The following USP47 variants were observed in gnomAD, a reference collection of about 807,000 sequenced individuals.
USP47 encodes the protein ubiquitin specific peptidase 47, also known as ubiquitin carboxyl-terminal hydrolase 47.
A neutral mutation model predicts 165.1 loss-of-function variants in USP47; 35 were observed. The observed-to-expected ratio is 0.21, with a 90% CI of 0.16 to 0.28. USP47 has a LOEUF of 0.28. Ranked by LOEUF, USP47 falls within the 10% of genes least tolerant of loss-of-function variation. USP47 has a pLI of 1.00. For synonymous variants in USP47, 531 were observed against 544.5 expected (o/e 0.98, Z 0.35); for missense variants, 1,277 against 1,607.4 (o/e 0.79, Z 3.52).
Position 11,948,563 on chromosome 11 carries a change from G to A in USP47, c.3348+5G>A, listed in dbSNP as rs1256277714. The A allele has an allele frequency of 1.3e-6, 2 of 1,597,512 alleles. No individual in the cohort carries two copies. Among genetic ancestry groups the A allele is most frequent in the African/African-American group, 1.3e-5 (1 of 74,642 alleles). On this transcript the variant is annotated splice_donor_5th_base_variant and intron_variant, in intron 22 of 27. Coordinates refer to ENST00000527733, the MANE Select transcript of USP47 (RefSeq NM_001282659.2). ...CTTTTGGTCAATGAACAAGAGGTAAGTAATACGTTTAAGAATAATATAAGG... is the reference window on the plus strand; with the variant it reads ...CTTTTGGTCAATGAACAAGAGGTAAATAATACGTTTAAGAATAATATAAGG...
intron 8 of USP47, among the ~76,000 whole-genome samples, chr11:11,914,310 G>A (rs2134543820): frequency 6.6e-6 from 1 of 152,064 alleles, no homozygotes; most frequent in East Asian, 1.9e-4. Context: ...AGGAAAAATG[G>A]TGTTTCCAAC....
intron 1 of USP47, among the ~76,000 whole-genome samples, chr11:11,843,112 C>T (rs1303539093): frequency 6.6e-6 from 1 of 152,036 alleles, no homozygotes; most frequent in Non-Finnish European, 1.5e-5. Context: ...TTCTCATATA[C>T]CTTAAATAGA....
chr11:11,880,408 A>C, intron 2 of USP47, 28 bp downstream of exon 2: 1 of 1,266,800 alleles, frequency 7.9e-7, no homozygotes, highest in Non-Finnish European at 9.9e-7. Context: ...AGCTTCTAAA[A>C]ATGTTATTAT....
intron 1 of USP47, among the ~76,000 whole-genome samples, chr11:11,847,045 G>C (rs987420032): frequency 6.6e-6 from 1 of 152,120 alleles, no homozygotes; most frequent in Non-Finnish European, 1.5e-5. Context: ...AGCAAAAGCT[G>C]AATGCAGAAT....
chr11:11,847,169 A>C (rs927223022), intron 1 of USP47, among the ~76,000 whole-genome samples: 1 of 152,118 alleles, frequency 6.6e-6, no homozygotes, highest in Admixed American at 6.5e-5. Flanking sequence ...GAATTTCTGG[A>C]TTATTGGGAT....
At chr11:11,949,825 T>C (rs1045826368) in intron 22 of USP47, 64 bp from the exon 23 acceptor site, 6 of 1,048,588 alleles carry the variant, frequency 5.7e-6, no homozygotes, top group Middle Eastern at 4.2e-4. Context: ...TTTATTTTAA[T>C]GTGTTAATAT....
chr11:11,862,145 T>G (rs1849421237), intron 1 of USP47, among the ~76,000 whole-genome samples: 1 of 152,080 alleles, frequency 6.6e-6, no homozygotes, highest in South Asian at 2.1e-4. Context: ...ACTAACAAAT[T>G]CACAATTTAA....
chr11:11,852,061 C>T (rs1848758725), intron 1 of USP47, among the ~76,000 whole-genome samples: 1 of 152,102 alleles, frequency 6.6e-6, no homozygotes, highest in East Asian at 1.9e-4. Context: ...TTTAAAGTTA[C>T]TCAGCCAGGC....
chr11:11,915,030 A>C (rs1853307942), intron 8 of USP47, among the ~76,000 whole-genome samples: 1 of 152,194 alleles, frequency 6.6e-6, no homozygotes, highest in African/African-American at 2.4e-5. Flanking sequence ...ACCTGTGCAC[A>C]AATATTTATT....
rs1207848771 is a variant in USP47, at chr11:11,942,405, T to C, written c.2384T>C (p.Leu795Pro). Residue 795 changes from leucine to proline, a missense_variant, in exon 20 of 28, where the codon CTG becomes CCG. Transcript: ENST00000527733. ...AFADSHLWKL[L>P]DRHANTIRLF... Reference sequence around the variant, plus strand: ...GCAGACTCTCATTTATGGAAACTCCTGGATCGGCATGCAAATACAATCAGA... The same window carrying C: ...GCAGACTCTCATTTATGGAAACTCCCGGATCGGCATGCAAATACAATCAGA... The C allele has an allele frequency of 6.2e-7, 1 of 1,613,358 alleles. No individual in the cohort carries two copies. The highest frequency in any genetic ancestry group is 8.5e-7 in the Non-Finnish European group (1 of 1,179,638).
At chr11:11,923,059 T>C (rs1023741814) in intron 11 of USP47, among the ~76,000 whole-genome samples, 168 bp downstream of exon 11, 1 of 104,578 alleles carries the variant, frequency 9.6e-6, no homozygotes, top group East Asian at 4.0e-4. Flanking sequence ...TATATATATA[T>C]ATATATATAT....
At chr11:11,860,228 C>T (rs1849303264) in intron 1 of USP47, among the ~76,000 whole-genome samples, 1 of 151,952 alleles carries the variant, frequency 6.6e-6, no homozygotes, top group South Asian at 2.1e-4. Context: ...CGGCTCACCA[C>T]AACCTCTGCT....
intron 1 of USP47, among the ~76,000 whole-genome samples, chr11:11,856,059 A>G (rs976950569): frequency 1.3e-5 from 2 of 152,254 alleles, no homozygotes; most frequent in Non-Finnish European, 2.9e-5. Flanking sequence ...TCAAAACAAG[A>G]AAGTTTGTAG....
intron 1 of USP47, among the ~76,000 whole-genome samples, chr11:11,867,151 C>G (rs1036738904): frequency 3.3e-5 from 5 of 152,146 alleles, no homozygotes; most frequent in Admixed American, 3.3e-4. Context: ...CCCACCCGGC[C>G]CTTTCAAAGT....
chr11:11,849,499 C>T (rs895122442), intron 1 of USP47, among the ~76,000 whole-genome samples: 1 of 152,176 alleles, frequency 6.6e-6, no homozygotes, highest in Admixed American at 6.5e-5. Flanking sequence ...AGAAGGCCCA[C>T]AATGTCAGTA....
chr11:11,940,855 G>A (rs1361934675), intron 19 of USP47, among the ~76,000 whole-genome samples: 1 of 150,786 alleles, frequency 6.6e-6, no homozygotes, highest in African/African-American at 2.4e-5. Context: ...CCTCTTTGGT[G>A]AAGACTTCAT....
At position 11,842,176 on chromosome 11, in the gene USP47, G is replaced by A. The variant is rs771158460; in HGVS notation, c.-10G>A. ...CCCGGCAGGGCGGAGAGGAGCGGCCGGAGTCAGCGATGGTGCCCGGCGAGG... is the reference window on the plus strand; with the variant it reads ...CCCGGCAGGGCGGAGAGGAGCGGCCAGAGTCAGCGATGGTGCCCGGCGAGG... On this transcript the variant is annotated 5_prime_UTR_variant, in exon 1 of 28. Coordinates refer to ENST00000527733, the MANE Select transcript of USP47 (RefSeq NM_001282659.2). The A allele has an allele frequency of 2.6e-6, 4 of 1,552,878 alleles. No individual in the cohort carries two copies. Among genetic ancestry groups the A allele is most frequent in the Non-Finnish European group, 3.5e-6 (4 of 1,147,310 alleles).
At chr11:11,923,833 A>G (rs1362794332) in intron 11 of USP47, among the ~76,000 whole-genome samples, 3 of 152,256 alleles carry the variant, frequency 2.0e-5, no homozygotes, top group African/African-American at 7.2e-5. Context: ...TATGTAATGA[A>G]TAATGTAATA....
intron 5 of USP47, 49 bp from the exon 6 acceptor site, chr11:11,902,666 A>G: frequency 7.9e-7 from 1 of 1,263,356 alleles, no homozygotes; most frequent in Non-Finnish European, 1.0e-6. Context: ...TATGCTTTTA[A>G]ATAATAAAAT....
Sources: allele counts gnomAD v4.1 joint callset (sites outside exome capture counted in the v4.1 genomes callset), GRCh38; gene constraint gnomAD v4.1.1; transcripts MANE v1.5; gene names NCBI Gene and HGNC (gene_info 2026-07-23, HGNC 2026-07-21).